MLH3: variants seen among roughly 807,000 people sequenced by gnomAD.
MLH3 encodes the protein mutL homolog 3.
Under a neutral mutation model 122.2 loss-of-function variants are expected in MLH3, and 82 were observed. That is an observed-to-expected ratio of 0.67 (90% CI 0.56 to 0.81). The LOEUF (loss-of-function observed/expected upper bound fraction) is 0.81, where lower values mean the gene tolerates loss of function less well. Ranked by LOEUF, MLH3 falls within the 30% of genes least tolerant of loss-of-function variation. The probability of loss-of-function intolerance (pLI) is 0.00; values close to 1 mark genes in which losing one functional copy is unlikely to be tolerated. For synonymous variants in MLH3, 524 were observed against 599.5 expected, an observed-to-expected ratio of 0.87 and a Z score of 1.84; for missense variants, 1,539 against 1,714.5, an observed-to-expected ratio of 0.90 and a Z score of 1.81.
chr14:75,037,282 T>C (rs1402008129), intron 6 of MLH3, among the ~76,000 whole-genome samples: 2 of 152,212 alleles, frequency 1.3e-5, no homozygotes, highest in African/African-American at 2.4e-5. Context: ...CAAGAAGCAC[T>C]TCCCTGAACT....
rs747325097 is a variant in MLH3 at position 75,047,453 on chromosome 14, C to G, written c.2203G>C (p.Gly735Arg). The G allele has an allele frequency of 1.2e-6, 2 of 1,614,054 alleles. No individual in the cohort carries two copies. Among genetic ancestry groups the G allele is most frequent in the Non-Finnish European group, 1.7e-6 (2 of 1,180,000 alleles). The change falls in exon 2 of 13, where the codon GGT (glycine) becomes CGT (arginine). Residue 735 changes from glycine to arginine, a missense_variant. Gly to Arg is a moderately radical substitution (Grantham distance 125, BLOSUM62 -2). Transcript: ENST00000355774. ...TTACGGACGATTGGTTTGGAGAAACCAATTAATTTATCTGTTTTCCTACTA... is the reference window on the plus strand; with the variant it reads ...TTACGGACGATTGGTTTGGAGAAACGAATTAATTTATCTGTTTTCCTACTA... The part of the protein sequence containing the change: ...NDSRKTDKLI[G>R]FSKPIVRKKL...
Position 75,038,422 on chromosome 14 carries a change from A to G in MLH3, c.3571-10T>C. The G allele has an allele frequency of 1.3e-6, 2 of 1,578,460 alleles. No individual in the cohort carries two copies. The highest frequency in any genetic ancestry group is 1.7e-6 in the Non-Finnish European group (2 of 1,147,838). Reference sequence around the variant, plus strand: ...CTACTTGCTGGAGAACCTGTCAGACATTCAAATAAGTGGTACAACACTAAA... The same window carrying G: ...CTACTTGCTGGAGAACCTGTCAGACGTTCAAATAAGTGGTACAACACTAAA... On this transcript the variant is annotated splice_polypyrimidine_tract_variant and intron_variant, in intron 5 of 12. Transcript: ENST00000355774.
rs28757027 is a variant in MLH3 at position 75,032,109 on chromosome 14, C to A, written c.3786G>T (p.Pro1262=). 6.2e-7 allele frequency: 1 copy of A among 1,613,548 alleles called. No individual in the cohort carries two copies. Among genetic ancestry groups the A allele is most frequent in the African/African-American group, 1.3e-5 (1 of 74,888 alleles). The change falls in exon 8 of 13, where the codon CCG becomes CCT. Residue 1262 remains proline (P), a synonymous_variant. Coordinates refer to ENST00000355774, the MANE Select transcript of MLH3 (RefSeq NM_001040108.2). The stretch of plus-strand genomic sequence containing the variant: ...GTTCCTCTGTCACTGTTATCTCTAG[C>A]GGAGGAATTAGAGTAGAAGACAGTA... ...KKLLSSTLIP[P]LEITVTEEQR...
At chr14:75,019,928 ATAATT>A (rs991766727) in intron 11 of MLH3, among the ~76,000 whole-genome samples, 6 of 152,334 alleles carry the variant, frequency 3.9e-5, no homozygotes, top group South Asian at 4.1e-4. Flanking sequence ...TAATTATACA[ATAATT>A]TAAATGATAA....
chr14:75,046,354 C>A, intron 2 of MLH3, 22 bp downstream of exon 2: 1 of 1,613,406 alleles, frequency 6.2e-7, no homozygotes, highest in Non-Finnish European at 8.5e-7. Context: ...GCATCTCATG[C>A]ACATGAATAC....
chr14:75,049,817 T>C (rs1052193382), intron 1 of MLH3, 99 bp from the exon 2 acceptor site: 15 of 768,118 alleles, frequency 2.0e-5, no homozygotes, highest in Non-Finnish European at 3.0e-5. Flanking sequence ...TCACTCTTAT[T>C]AAACCAAATT....
rs116061019 is a variant in MLH3 at position 75,032,171 on chromosome 14, C to T, written c.3724G>A (p.Glu1242Lys). 15 of 1,605,810 alleles carry T rather than the reference C, an allele frequency of 9.3e-6. No homozygotes were observed. In the East Asian group the frequency reaches 1.3e-4, roughly 14 times the overall value. ...CCAGAGCCTTGTGCCTGTTGCTTCT[C>T]GTAGGAATCTATTGGCAGAAAGATG... is the stretch of plus-strand genomic sequence containing the variant. ...RLEQLIIDSY[E>K]KQQAQGSGRK... Residue 1242 changes from glutamate (E) to lysine (K), a missense_variant, in exon 8 of 13, where the codon GAG becomes AAG. Coordinates refer to ENST00000355774, the MANE Select transcript of MLH3 (RefSeq NM_001040108.2).
intron 9 of MLH3, among the ~76,000 whole-genome samples, chr14:75,026,925 C>A (rs1210986161): frequency 6.6e-6 from 1 of 151,920 alleles, no homozygotes; most frequent in Admixed American, 6.6e-5. Context: ...ATGGTGAAAC[C>A]CCATCTCTGC....
At chr14:75,018,696 A>T in intron 12 of MLH3, 133 bp downstream of exon 12, 1 of 973,544 alleles carries the variant, frequency 1.0e-6, no homozygotes, top group East Asian at 2.4e-5. Flanking sequence ...TTTATGTGAA[A>T]CTTCCAGTGC....
In MLH3 at chr14:75,046,484, C is replaced by A. The variant is rs773131164; in HGVS notation, c.3172G>T (p.Val1058Phe). The change falls in exon 2 of 13, where the codon GTC (valine) becomes TTC (phenylalanine). Residue 1058 changes from valine (V) to phenylalanine (F), a missense_variant. Physicochemically the swap from Val to Phe is conservative, Grantham distance 50. Transcript: ENST00000355774. Reference sequence around the variant, plus strand: ...GTGCTGAGTCCAGTCATTTTGTTGACATAAACCATTCTTCCCAGGGCTACA... The same window carrying A: ...GTGCTGAGTCCAGTCATTTTGTTGAAATAAACCATTCTTCCCAGGGCTACA... Reference protein sequence around the residue: ...FDVALGRMVYVNKMTGLSTFI... With the variant: ...FDVALGRMVYFNKMTGLSTFI... The A allele has an allele frequency of 1.2e-6, 2 of 1,614,078 alleles. No homozygotes were observed. The highest frequency in any genetic ancestry group is 1.7e-6 in the Non-Finnish European group (2 of 1,180,032).
At chr14:75,026,552 AT>A (rs921828973) in intron 9 of MLH3, among the ~76,000 whole-genome samples, 3 of 152,228 alleles carry the variant, frequency 2.0e-5, no homozygotes, top group Admixed American at 1.3e-4. Flanking sequence ...CCCAGTAGAT[AT>A]CTGACAAAAT....
intron 6 of MLH3, among the ~76,000 whole-genome samples, chr14:75,035,533 AC>A (rs1439358583): frequency 9.2e-5 from 14 of 152,136 alleles, no homozygotes; most frequent in African/African-American, 3.1e-4. Context: ...AAAAACAACA[AC>A]AACAAAAAAC....
At chr14:75,019,192 A>T (rs1402326732) in intron 11 of MLH3, 3 of 528,456 alleles carry the variant, frequency 5.7e-6, no homozygotes, top group Admixed American at 3.0e-5. Context: ...CGGGCAGATC[A>T]TGAGGTCAGG....
rs1364672972 is a variant in MLH3, at chr14:75,022,857, C to T, written c.4047G>A (p.Leu1349=). 2 of 1,614,130 alleles carry T rather than the reference C, an allele frequency of 1.2e-6. No homozygotes were observed. Among genetic ancestry groups the T allele is most frequent in the Admixed American group, 1.7e-5 (1 of 60,020 alleles). The part of the protein sequence containing the change: ...LQTTGGIQGT[L]PLTVQKVLAS... ...CCAACACCTTCTGGACAGTCAGTGGCAATGTCCCTTGGATGCCTCCGGTGG... is the reference window on the plus strand; with the variant it reads ...CCAACACCTTCTGGACAGTCAGTGGTAATGTCCCTTGGATGCCTCCGGTGG... The change falls in exon 11 of 13, where the codon TTG becomes TTA. Residue 1349 remains leucine, a synonymous_variant. Coordinates refer to ENST00000355774, the MANE Select transcript of MLH3 (RefSeq NM_001040108.2).
At chr14:75,022,455 C>G (rs1192089281) in intron 11 of MLH3, among the ~76,000 whole-genome samples, 2 of 152,180 alleles carry the variant, frequency 1.3e-5, no homozygotes, top group East Asian at 3.9e-4. Context: ...TCTCATATAA[C>G]TAACTTGTTT....
In MLH3 at chr14:75,015,159, A is replaced by G. The variant is rs1889824256; in HGVS notation, c.*1923T>C. The G allele has an allele frequency of 5.7e-6, 1 of 174,818 alleles. No individual in the cohort carries two copies. Among genetic ancestry groups the G allele is most frequent in the Admixed American group, 6.4e-5 (1 of 15,744 alleles). 10.8% of individuals were successfully genotyped at this position (174,818 alleles called of 1,614,324 possible). ...CTTTGTTCTTATGGCATCTGAGTTAAAAACAACATAAAACCCTAACAGGCG... is the reference window on the plus strand; with the variant it reads ...CTTTGTTCTTATGGCATCTGAGTTAGAAACAACATAAAACCCTAACAGGCG... On this transcript the variant is annotated 3_prime_UTR_variant, in exon 13 of 13. Coordinates refer to ENST00000355774, the MANE Select transcript of MLH3 (RefSeq NM_001040108.2).
At chr14:75,042,564 G>T in intron 2 of MLH3, 87 bp from the exon 3 acceptor site, 1 of 971,618 alleles carries the variant, frequency 1.0e-6, no homozygotes, top group Non-Finnish European at 1.6e-6. Context: ...ACCTCTTTCT[G>T]CACAAACTGA....
At position 75,038,389 on chromosome 14, in the gene MLH3, C is replaced by T. The variant is rs769358297; in HGVS notation, c.3594G>A (p.Lys1198=). Reference sequence around the variant, plus strand: ...TAGTGCTCATCAAACAGGCAATAAACTTGTTATCTACTTGCTGGAGAACCT... The same window carrying T: ...TAGTGCTCATCAAACAGGCAATAAATTTGTTATCTACTTGCTGGAGAACCT... The part of the protein sequence containing the change: ...SMQVLQQVDN[K]FIACLMSTKT... Residue 1198 remains lysine (K), a synonymous_variant, in exon 6 of 13, where the codon AAG becomes AAA. Transcript: ENST00000355774. 10 of 1,613,404 alleles carry T rather than the reference C, an allele frequency of 6.2e-6. No individual in the cohort carries two copies. The South Asian group carries it at 1.1e-4, about 18-fold the overall frequency.
chr14:75,047,857 C>A lies in MLH3; in HGVS notation c.1799G>T (p.Arg600Leu). The A allele has an allele frequency of 6.2e-7, 1 of 1,612,760 alleles. No individual in the cohort carries two copies. Among genetic ancestry groups the A allele is most frequent in the Non-Finnish European group, 8.5e-7 (1 of 1,179,712 alleles). The change falls in exon 2 of 13, where the codon CGA becomes CTA. Residue 600 changes from arginine to leucine, a missense_variant. Transcript: ENST00000355774. ...CGRRNVFSYGRVKLCSTGFIT... is the reference protein window; with the variant it reads ...CGRRNVFSYGLVKLCSTGFIT... The stretch of plus-strand genomic sequence containing the variant: ...AAAGCCAGTGGAACATAATTTAACT[C>A]GCCCATAACTAAAAACATTTCTTCT...
Sources: allele counts gnomAD v4.1 joint callset (sites outside exome capture counted in the v4.1 genomes callset), GRCh38; gene constraint gnomAD v4.1.1; transcripts MANE v1.5; gene names NCBI Gene and HGNC (gene_info 2026-07-23, HGNC 2026-07-21).